The following MAGI2 variants were observed in gnomAD, a reference collection of about 807,000 sequenced individuals.
The protein encoded by MAGI2 is membrane-associated guanylate kinase, WW and PDZ domain-containing protein 2.
In MAGI2, 35 loss-of-function variants were observed where a neutral mutation model predicts 133.3. That is an observed-to-expected ratio of 0.26 (90% CI 0.20 to 0.35). The LOEUF is 0.35. Among genes scored for constraint, MAGI2 ranks in the 10% least tolerant of loss-of-function variants. The probability of loss-of-function intolerance (pLI) is 1.00; values close to 1 mark genes in which losing one functional copy is unlikely to be tolerated. For missense variants in MAGI2, 1,636 were observed against 1,863.4 expected, an observed-to-expected ratio of 0.88 and a Z score of 2.25; for synonymous variants, 729 against 710.6, an observed-to-expected ratio of 1.03 and a Z score of -0.41.
intron 2 of MAGI2, among the ~76,000 whole-genome samples, chr7:78,903,747 T>C (rs1411642032): frequency 2.0e-5 from 3 of 152,108 alleles, no homozygotes; most frequent in Non-Finnish European, 4.4e-5. Context: ...TGTGTGTGTG[T>C]GCGTGTGTGC....
intron 1 of MAGI2, among the ~76,000 whole-genome samples, chr7:79,338,469 T>C (rs1459894290): frequency 6.6e-6 from 1 of 152,052 alleles, no homozygotes; most frequent in Non-Finnish European, 1.5e-5. Flanking sequence ...TGCAGTAACA[T>C]GTGTATTTCC....
At chr7:79,099,983 C>T (rs1011169789) in intron 1 of MAGI2, among the ~76,000 whole-genome samples, 3 of 152,172 alleles carry the variant, frequency 2.0e-5, no homozygotes, top group Admixed American at 6.5e-5. Flanking sequence ...TTTCTCTTTG[C>T]ATATATGTGT....
chr7:78,886,216 T>C (rs1465250219), intron 2 of MAGI2, among the ~76,000 whole-genome samples: 1 of 152,200 alleles, frequency 6.6e-6, no homozygotes, highest in Non-Finnish European at 1.5e-5. Flanking sequence ...AGGAAGCAAT[T>C]AGGCAGGTGA....
At chr7:79,103,339 T>C (rs1818158083) in intron 1 of MAGI2, among the ~76,000 whole-genome samples, 1 of 152,192 alleles carries the variant, frequency 6.6e-6, no homozygotes, top group South Asian at 2.1e-4. Flanking sequence ...TACTGTTCTT[T>C]CATTCTTGTA....
intron 2 of MAGI2, among the ~76,000 whole-genome samples, chr7:78,975,237 C>T (rs1393341955): frequency 6.6e-6 from 1 of 151,724 alleles, no homozygotes; most frequent in Non-Finnish European, 1.5e-5. Flanking sequence ...ATGTTCTTCT[C>T]AAACTCACCT....
intron 2 of MAGI2, among the ~76,000 whole-genome samples, chr7:78,869,832 AAAGGCTAACCATCAGTGTCCTTTC>A (rs1448992176): frequency 1.3e-5 from 2 of 152,220 alleles, no homozygotes; most frequent in Non-Finnish European, 2.9e-5. Flanking sequence ...GTGGGGGCAC[AAAGGCTAACCATCAGTGTCCTTTC>A]CCAACTTTAT....
chr7:78,159,963 T>C (rs2150607141), intron 16 of MAGI2, 62 bp downstream of exon 16: 10 of 1,504,372 alleles, frequency 6.6e-6, no homozygotes, highest in Non-Finnish European at 8.9e-6. Flanking sequence ...CCGGTATCTG[T>C]ATCACTGGAA....
chr7:79,452,606 G>T (rs948464029), intron 1 of MAGI2, among the ~76,000 whole-genome samples: 4 of 151,904 alleles, frequency 2.6e-5, no homozygotes, highest in African/African-American at 9.7e-5. Flanking sequence ...TGGTGATGCC[G>T]CTGCACCCTG....
intron 9 of MAGI2, among the ~76,000 whole-genome samples, chr7:78,299,155 A>C (rs1173095867): frequency 6.6e-6 from 1 of 152,156 alleles, no homozygotes; most frequent in Admixed American, 6.6e-5. Context: ...TTTTAAAAAG[A>C]AGGTTTATTG....
At chr7:78,611,694 C>T (rs38100) in intron 3 of MAGI2, among the ~76,000 whole-genome samples, 93,526 of 152,078 alleles carry the variant, frequency 0.61, 29,228 homozygotes, top group Middle Eastern at 0.73. Flanking sequence ...CACGTACAGC[C>T]TGGGATGCAA....
rs848951 is a variant in MAGI2, at chr7:79,358,188, C to T, written c.301+94832G>A. 2.0e-3 allele frequency among the ~76,000 whole-genome samples: 306 copies of T among 152,072 alleles called. 3 individuals carry two copies. Among genetic ancestry groups the T allele is most frequent in the African/African-American group, 7.1e-3 (294 of 41,472 alleles). ...CTTTCCTCTTTTTTTCCCCACCTAACGCCAACACTTCCCCCTACCCCTGCA... is the reference window on the plus strand; with the variant it reads ...CTTTCCTCTTTTTTTCCCCACCTAATGCCAACACTTCCCCCTACCCCTGCA... On this transcript the variant is annotated intron_variant, in intron 1 of 21. Transcript: ENST00000354212.
chr7:78,281,513 T>TGTAA (rs567656308), intron 9 of MAGI2, among the ~76,000 whole-genome samples: 93 of 152,306 alleles, frequency 6.1e-4, no homozygotes, highest in African/African-American at 2.0e-3. Context: ...CCACCATGAT[T>TGTAA]GTAAGTTTCC....
chr7:78,398,649 C>T (rs537360494), intron 6 of MAGI2, among the ~76,000 whole-genome samples: 14 of 152,092 alleles, frequency 9.2e-5, no homozygotes, highest in African/African-American at 3.1e-4. Flanking sequence ...TGGGATCCAT[C>T]TTTCTGAAAC....
intron 11 of MAGI2, among the ~76,000 whole-genome samples, chr7:78,199,465 T>C (rs1829034129): frequency 6.6e-6 from 1 of 152,190 alleles, no homozygotes; most frequent in African/African-American, 2.4e-5. Flanking sequence ...ACAATAACCA[T>C]GTGAGAGGGG....
intron 2 of MAGI2, among the ~76,000 whole-genome samples, chr7:78,742,577 A>G (rs751191797): frequency 6.6e-6 from 1 of 152,212 alleles, no homozygotes; most frequent in African/African-American, 2.4e-5. Flanking sequence ...ATCCCATGCC[A>G]TCTTTGTTAA....
intron 3 of MAGI2, among the ~76,000 whole-genome samples, chr7:78,531,494 G>A (rs541558500): frequency 6.6e-6 from 1 of 152,260 alleles, no homozygotes; most frequent in East Asian, 1.9e-4. Flanking sequence ...TTACAGGCAT[G>A]CGCCACCACA....
chr7:79,170,104 T>C (rs1440683559), intron 1 of MAGI2, among the ~76,000 whole-genome samples: 1 of 149,952 alleles, frequency 6.7e-6, no homozygotes, highest in African/African-American at 2.4e-5. Context: ...TCAAGAATAA[T>C]TAATTTTTCA....
chr7:79,429,758 ATCT>A (rs1363495756), intron 1 of MAGI2, among the ~76,000 whole-genome samples: 1 of 152,176 alleles, frequency 6.6e-6, no homozygotes, highest in Non-Finnish European at 1.5e-5. Flanking sequence ...TTATTCAAGA[ATCT>A]TCTATTTTTC....
intron 1 of MAGI2, among the ~76,000 whole-genome samples, chr7:79,424,636 G>A (rs1563211139): frequency 6.6e-6 from 1 of 151,940 alleles, no homozygotes; most frequent in African/African-American, 2.4e-5. Context: ...CACAATGTAT[G>A]TATACTTCAA....
Sources: gnomAD v4.1 joint callset for allele counts (sites outside exome capture counted in the v4.1 genomes callset) on GRCh38, gnomAD v4.1.1 for gene constraint, MANE v1.5 for transcripts, NCBI Gene and HGNC (gene_info 2026-07-23, HGNC 2026-07-21) for gene names.